LIMD1: variants seen among roughly 807,000 people sequenced by gnomAD.
LIMD1 encodes the protein LIM domain containing 1.
A neutral mutation model predicts 58.4 loss-of-function variants in LIMD1; 23 were observed. The ratio of observed to expected loss-of-function variants is 0.39; its 90% CI spans 0.28 to 0.56. LIMD1 has a LOEUF of 0.56. LIMD1 is among the 20% of genes least tolerant of loss of function. The probability of loss-of-function intolerance (pLI) is 0.57; values close to 1 mark genes in which losing one functional copy is unlikely to be tolerated. For missense variants in LIMD1, 838 were observed against 855.5 expected, an observed-to-expected ratio of 0.98 and a Z score of 0.25; for synonymous variants, 334 against 345.5, an observed-to-expected ratio of 0.97 and a Z score of 0.37.
At chr3:45,665,030 G>A (rs569375594) in intron 2 of LIMD1, among the ~76,000 whole-genome samples, 1 of 152,212 alleles carries the variant, frequency 6.6e-6, no homozygotes, top group East Asian at 1.9e-4. Flanking sequence ...ATGTTTACCT[G>A]TGTTAGCCTT....
rs56711723 is a variant in LIMD1 at position 45,628,007 on chromosome 3, C to CAA, written c.1409-8132_1409-8131dup. ...TGGGTGACAGAGTGAGACCCCATCTCAAAAAAAAAAAAGAAAAAAGAATAT... is the reference window on the plus strand; with the variant it reads ...TGGGTGACAGAGTGAGACCCCATCTCAAAAAAAAAAAAAAGAAAAAAGAATAT... On this transcript the variant is annotated intron_variant, in intron 1 of 7. Transcript: ENST00000273317. Among the ~76,000 whole-genome samples, 3 of 111,614 alleles carry CAA rather than the reference C, an allele frequency of 2.7e-5. 1 individual carries two copies. The highest frequency in any genetic ancestry group is 3.8e-5 in the Non-Finnish European group (2 of 52,972). The allele number at this position is 111,614 out of a possible 152,430, so 73.2% of individuals were successfully genotyped here.
At chr3:45,628,015 A>AAAAAAAAG (rs541833438) in intron 1 of LIMD1, among the ~76,000 whole-genome samples, 2 of 149,620 alleles carry the variant, frequency 1.3e-5, no homozygotes. Flanking sequence ...CTCAAAAAAA[A>AAAAAAAAG]AAAAGAAAAA....
At position 45,673,599 on chromosome 3, in the gene LIMD1, T is replaced by A. The variant is rs1019446020; in HGVS notation, c.1824+94T>A. 5 of 1,048,530 alleles carry A rather than the reference T, an allele frequency of 4.8e-6. No homozygotes were observed. The African/African-American group carries it at 7.8e-5, about 16-fold the overall frequency. 65.0% of individuals were successfully genotyped at this position (1,048,530 alleles called of 1,614,324 possible). A position where few individuals can be genotyped will look rare whatever the true frequency, so the allele number is the denominator to read the frequency against. On this transcript the variant is annotated intron_variant, in intron 6 of 7. Coordinates refer to ENST00000273317, the MANE Select transcript of LIMD1 (RefSeq NM_014240.3). ...AAGATCCATGTCCTGTCCTTACAGC[T>A]TTTAAGGTATCCTTTTAAAAATCTC...
chr3:45,612,070 G>GCGCTCTCTCTCT (rs55860697), intron 1 of LIMD1, among the ~76,000 whole-genome samples: 36 of 144,950 alleles, frequency 2.5e-4, no homozygotes, highest in South Asian at 6.7e-4. Flanking sequence ...GCAGGTGCGC[G>GCGCTCTCTCTCT]CTCTCTCTCT....
intron 3 of LIMD1, 118 bp from the exon 4 acceptor site, chr3:45,668,176 T>C: frequency 2.7e-6 from 2 of 752,792 alleles, no homozygotes; most frequent in South Asian, 3.3e-5. Flanking sequence ...GATGACAGAA[T>C]TCTGCACAGA....
chr3:45,601,091 A>G (rs1701407752), intron 1 of LIMD1, among the ~76,000 whole-genome samples: 2 of 152,130 alleles, frequency 1.3e-5, no homozygotes, highest in South Asian at 4.2e-4. Context: ...AAAAAACCCC[A>G]CAAATAAACC....
chr3:45,610,064 C>T lies in LIMD1; in HGVS notation c.1408+13777C>T, dbSNP rs144753259. Among the ~76,000 whole-genome samples, 144 of 152,222 alleles carry T rather than the reference C, an allele frequency of 9.5e-4. 1 individual carries two copies. Among genetic ancestry groups the T allele is most frequent in the Middle Eastern group, 6.8e-3 (2 of 294 alleles). On this transcript the variant is annotated intron_variant, in intron 1 of 7. Coordinates refer to ENST00000273317, the MANE Select transcript of LIMD1 (RefSeq NM_014240.3). Reference sequence around the variant, plus strand: ...AAAATTAGCTAGGCATGATGGCGCGCGCCTGTAATCCCAGCTACTCGGGAG... The same window carrying T: ...AAAATTAGCTAGGCATGATGGCGCGTGCCTGTAATCCCAGCTACTCGGGAG...
chr3:45,628,693 T>C (rs1027579445), intron 1 of LIMD1, among the ~76,000 whole-genome samples: 1 of 152,246 alleles, frequency 6.6e-6, no homozygotes, highest in Non-Finnish European at 1.5e-5. Context: ...GTATGTCCAT[T>C]ACAAACGCTT....
At chr3:45,614,619 A>AGG (rs1701559512) in intron 1 of LIMD1, among the ~76,000 whole-genome samples, 2 of 151,764 alleles carry the variant, frequency 1.3e-5, no homozygotes, top group Admixed American at 1.3e-4. Flanking sequence ...GGTACCGGGG[A>AGG]GGCTGAGGTG....
rs1697721664 is a variant in LIMD1, at chr3:45,680,111, G to C, written c.*3052G>C. Reference sequence around the variant, plus strand: ...GAAGAACAGAAATGTTAGGACTTAAGAGAATGTTTGGAATTCACACCTCTT... The same window carrying C: ...GAAGAACAGAAATGTTAGGACTTAACAGAATGTTTGGAATTCACACCTCTT... On this transcript the variant is annotated 3_prime_UTR_variant, in exon 8 of 8. Coordinates refer to ENST00000273317, the MANE Select transcript of LIMD1 (RefSeq NM_014240.3). The C allele has an allele frequency of 6.6e-6, 1 of 152,180 alleles. No homozygotes were observed. Among genetic ancestry groups the C allele is most frequent in the African/African-American group, 2.4e-5 (1 of 41,426 alleles). 9.4% of individuals were successfully genotyped at this position (152,180 alleles called of 1,614,324 possible).
At chr3:45,662,616 C>T (rs1433146244) in intron 2 of LIMD1, among the ~76,000 whole-genome samples, 1 of 152,018 alleles carries the variant, frequency 6.6e-6, no homozygotes, top group Non-Finnish European at 1.5e-5. Flanking sequence ...CCTTCCTTCC[C>T]TAGGGCAGCT....
intron 1 of LIMD1, among the ~76,000 whole-genome samples, chr3:45,630,135 C>A (rs1701712747): frequency 7.3e-6 from 1 of 137,696 alleles, no homozygotes; most frequent in Admixed American, 7.0e-5. Context: ...TTGGTTGTTA[C>A]AGTAACATGT....
chr3:45,625,229 C>T (rs1165660585), intron 1 of LIMD1, among the ~76,000 whole-genome samples: 2 of 152,080 alleles, frequency 1.3e-5, no homozygotes, highest in Non-Finnish European at 2.9e-5. Flanking sequence ...AGAAAAGTTT[C>T]TACCCATTTA....
rs1697715323 is a variant in LIMD1, at chr3:45,679,686, AC to A, written c.*2630del. On this transcript the variant is annotated 3_prime_UTR_variant, in exon 8 of 8. Coordinates refer to ENST00000273317, the MANE Select transcript of LIMD1 (RefSeq NM_014240.3). The stretch of plus-strand genomic sequence containing the variant: ...CTCATTGTGCCTTTTAGGTTTTCTT[AC>A]CCACCGTCTCCTGTTTTGTCTTTTT... 1 of 152,062 alleles carries A rather than the reference AC, an allele frequency of 6.6e-6. No individual in the cohort carries two copies. Among genetic ancestry groups the A allele is most frequent in the South Asian group, 2.1e-4 (1 of 4,812 alleles). The allele number at this position is 152,062 out of a possible 1,614,324, so 9.4% of individuals were successfully genotyped here. A position where few individuals can be genotyped will look rare whatever the true frequency, so the allele number is the denominator to read the frequency against.
chr3:45,596,205 C>T lies in LIMD1; in HGVS notation c.1326C>T (p.Pro442=), dbSNP rs753484470. 6.2e-7 allele frequency: 1 copy of T among 1,613,648 alleles called. No individual in the cohort carries two copies. Among genetic ancestry groups the T allele is most frequent in the Non-Finnish European group, 8.5e-7 (1 of 1,179,870 alleles). ...QPLVPGPELR[P]SAAELKLEAL... ...TCGTCCCAGGTCCTGAGCTGAGACC[C>T]TCTGCTGCTGAGTTGAAATTAGAAG... Residue 442 remains proline (P), a synonymous_variant, in exon 1 of 8, where the codon CCC becomes CCT. Transcript: ENST00000273317.
chr3:45,661,725 T>C (rs1697443398), intron 2 of LIMD1, among the ~76,000 whole-genome samples: 1 of 152,244 alleles, frequency 6.6e-6, no homozygotes, highest in Non-Finnish European at 1.5e-5. Flanking sequence ...TTTTAAGCTT[T>C]GCTAGTCTGA....
At chr3:45,617,677 T>A (rs1292754325) in intron 1 of LIMD1, among the ~76,000 whole-genome samples, 2 of 152,166 alleles carry the variant, frequency 1.3e-5, no homozygotes. Context: ...CTGAACAAAG[T>A]GTGCTTGTGA....
At chr3:45,639,081 G>A (rs1461642249) in intron 2 of LIMD1, among the ~76,000 whole-genome samples, 1 of 152,166 alleles carries the variant, frequency 6.6e-6, no homozygotes, top group African/African-American at 2.4e-5. Flanking sequence ...TGTTGCCTAG[G>A]CTGGTCTTGA....
At chr3:45,600,235 G>A (rs1191651313) in intron 1 of LIMD1, among the ~76,000 whole-genome samples, 2 of 152,158 alleles carry the variant, frequency 1.3e-5, no homozygotes, top group African/African-American at 2.4e-5. Flanking sequence ...TGTCACTCAG[G>A]CCAAAAGCAA....
Sources: allele counts gnomAD v4.1 joint callset (sites outside exome capture counted in the v4.1 genomes callset), GRCh38; gene constraint gnomAD v4.1.1; transcripts MANE v1.5; gene names NCBI Gene and HGNC (gene_info 2026-07-23, HGNC 2026-07-21).